SNTG1: variants seen among roughly 807,000 people sequenced by gnomAD.
The protein encoded by SNTG1 is syntrophin gamma 1.
Under a neutral mutation model 74.7 loss-of-function variants are expected in SNTG1, and 39 were observed. That is an observed-to-expected ratio of 0.52 (90% CI 0.40 to 0.68). SNTG1 has a LOEUF of 0.68. Ranked by LOEUF, SNTG1 falls within the 30% of genes least tolerant of loss-of-function variation. The pLI is 0.00. For synonymous variants in SNTG1, 254 were observed against 217.1 expected (o/e 1.17, Z -1.49); for missense variants, 685 against 609.5 (o/e 1.12, Z -1.30).
intron 15 of SNTG1, among the ~76,000 whole-genome samples, chr8:50,703,855 T>C (rs1404232557): frequency 6.6e-6 from 1 of 152,172 alleles, no homozygotes; most frequent in Non-Finnish European, 1.5e-5. Context: ...CATATGCAGT[T>C]CATCATTAAC....
chr8:50,450,863 T>C lies in SNTG1; in HGVS notation c.363+134T>C, dbSNP rs886938971. The C allele has an allele frequency of 6.9e-6, 6 of 871,738 alleles. No homozygotes were observed. In the African/African-American group the frequency reaches 8.5e-5, roughly 12 times the overall value. 54.0% of individuals were successfully genotyped at this position (871,738 alleles called of 1,614,324 possible). On this transcript the variant is annotated intron_variant, in intron 8 of 18. Coordinates refer to ENST00000642720, the MANE Select transcript of SNTG1 (RefSeq NM_018967.5). Reference sequence around the variant, plus strand: ...AGTTTGATATCAAATTTTCAAATGTTCTCTTAATTTTTTTTTAAATTAGAA... The same window carrying C: ...AGTTTGATATCAAATTTTCAAATGTCCTCTTAATTTTTTTTTAAATTAGAA...
At chr8:50,635,184 T>C (rs1239497999) in intron 13 of SNTG1, among the ~76,000 whole-genome samples, 1 of 152,198 alleles carries the variant, frequency 6.6e-6, no homozygotes, top group Non-Finnish European at 1.5e-5. Context: ...ATGAGATTTC[T>C]TGGCATAATA....
At chr8:50,712,921 G>T (rs1401397069) in intron 17 of SNTG1, among the ~76,000 whole-genome samples, 1 of 152,144 alleles carries the variant, frequency 6.6e-6, no homozygotes, top group Admixed American at 6.5e-5. Flanking sequence ...CGTCTAGTTT[G>T]GTTCCAAGTC....
intron 1 of SNTG1, among the ~76,000 whole-genome samples, chr8:50,088,863 T>C (rs1208638017): frequency 4.7e-5 from 7 of 148,702 alleles, no homozygotes; most frequent in Non-Finnish European, 4.5e-5. Context: ...GCTATCCCCA[T>C]CAGGCTACCA....
At chr8:50,608,442 A>G (rs2094828361) in intron 13 of SNTG1, among the ~76,000 whole-genome samples, 1 of 151,894 alleles carries the variant, frequency 6.6e-6, no homozygotes, top group Non-Finnish European at 1.5e-5. Context: ...TTGTGTCATC[A>G]TGAAATGTCG....
At chr8:50,633,755 G>C (rs73676331) in intron 13 of SNTG1, among the ~76,000 whole-genome samples, 7,817 of 152,222 alleles carry the variant, frequency 0.051, 670 homozygotes, top group African/African-American at 0.17. Context: ...AGGTACCCAT[G>C]TTATCATCTT....
intron 2 of SNTG1, among the ~76,000 whole-genome samples, chr8:50,271,100 A>C (rs1459190696): frequency 6.6e-6 from 1 of 152,208 alleles, no homozygotes; most frequent in East Asian, 1.9e-4. Context: ...TTGAGATTGC[A>C]TGATTAAATA....
At chr8:50,103,506 A>C (rs1165035173) in intron 1 of SNTG1, among the ~76,000 whole-genome samples, 1 of 152,196 alleles carries the variant, frequency 6.6e-6, no homozygotes, top group Non-Finnish European at 1.5e-5. Context: ...TCATCTGCAA[A>C]CAGGGACAAT....
intron 15 of SNTG1, among the ~76,000 whole-genome samples, chr8:50,659,293 A>G (rs1430534127): frequency 1.3e-5 from 2 of 152,244 alleles, no homozygotes; most frequent in East Asian, 3.9e-4. Flanking sequence ...AATTGGAATA[A>G]CCTATAAAAC....
intron 2 of SNTG1, among the ~76,000 whole-genome samples, chr8:50,251,327 C>T (rs1177539996): frequency 1.3e-5 from 2 of 151,820 alleles, no homozygotes; most frequent in Non-Finnish European, 2.9e-5. Flanking sequence ...AACAAAATAT[C>T]TACAAAACAA....
intron 18 of SNTG1, among the ~76,000 whole-genome samples, chr8:50,769,728 G>C (rs2095622540): frequency 8.6e-5 from 13 of 151,904 alleles, no homozygotes; most frequent in Admixed American, 8.5e-4. Flanking sequence ...TCAAGATATT[G>C]GCTGACATAT....
chr8:50,350,241 G>A (rs865997896), intron 2 of SNTG1, among the ~76,000 whole-genome samples: 4 of 152,054 alleles, frequency 2.6e-5, no homozygotes, highest in South Asian at 2.1e-4. Context: ...CCTCCCTGAC[G>A]AGTGCCGCCC....
intron 9 of SNTG1, among the ~76,000 whole-genome samples, chr8:50,505,755 A>C (rs1254171709): frequency 6.6e-6 from 1 of 152,074 alleles, no homozygotes; most frequent in Non-Finnish European, 1.5e-5. Flanking sequence ...CTGGCTATTA[A>C]CGTATTACCA....
At chr8:50,759,378 T>C (rs1184083987) in intron 18 of SNTG1, among the ~76,000 whole-genome samples, 1 of 151,970 alleles carries the variant, frequency 6.6e-6, no homozygotes, top group African/African-American at 2.4e-5. Context: ...TCATGAAGTC[T>C]TTACTCCTGC....
At chr8:50,384,918 A>G (rs1237071276) in intron 2 of SNTG1, among the ~76,000 whole-genome samples, 1 of 152,124 alleles carries the variant, frequency 6.6e-6, no homozygotes, top group Non-Finnish European at 1.5e-5. Flanking sequence ...CCAGTTCATG[A>G]TGAACATCTC....
At position 50,260,924 on chromosome 8, in the gene SNTG1, C is replaced by T. The variant is rs142405885; in HGVS notation, c.-28+88289C>T. Among the ~76,000 whole-genome samples, 58 of 152,070 alleles carry T rather than the reference C, an allele frequency of 3.8e-4. No homozygotes were observed. The East Asian group carries it at 9.3e-3, about 24-fold the overall frequency. Reference sequence around the variant, plus strand: ...TGTGGGATAAATACAATAGCTATAACACATGCATAATGGGAATACTAGAAA... The same window carrying T: ...TGTGGGATAAATACAATAGCTATAATACATGCATAATGGGAATACTAGAAA... On this transcript the variant is annotated intron_variant, in intron 2 of 18. Transcript: ENST00000642720.
chr8:49,996,406 C>A (rs963758776), intron 1 of SNTG1, among the ~76,000 whole-genome samples: 15 of 151,376 alleles, frequency 9.9e-5, no homozygotes, highest in Non-Finnish European at 1.9e-4. Context: ...TTTGTTGAAA[C>A]ATTCTTTAAA....
intron 2 of SNTG1, among the ~76,000 whole-genome samples, chr8:50,321,023 A>G (rs55798934): frequency 0.048 from 7,335 of 152,162 alleles, 399 homozygotes; most frequent in South Asian, 0.16. Context: ...CATTACACGA[A>G]ATATACCTGA....
chr8:49,951,681 C>T (rs142033834), intron 1 of SNTG1, among the ~76,000 whole-genome samples: 1,911 of 150,904 alleles, frequency 0.013, 45 homozygotes, highest in African/African-American at 0.042. Context: ...GTGGGTGCAG[C>T]GCACCAGCAT....
Sources: allele counts gnomAD v4.1 joint callset (sites outside exome capture counted in the v4.1 genomes callset), GRCh38; gene constraint gnomAD v4.1.1; transcripts MANE v1.5; gene names NCBI Gene and HGNC (gene_info 2026-07-23, HGNC 2026-07-21).